LRP1B: variants seen among roughly 807,000 people sequenced by gnomAD.
LRP1B encodes the protein LDL receptor related protein 1B, also known as low-density lipoprotein receptor-related protein 1B.
In LRP1B, 217 loss-of-function variants were observed where a neutral mutation model predicts 556.6. That is an observed-to-expected ratio of 0.39 (90% CI 0.35 to 0.44). LRP1B has a LOEUF of 0.44. Ranked by LOEUF, LRP1B falls within the 20% of genes least tolerant of loss-of-function variation. The pLI, the probability that LRP1B is intolerant of heterozygous loss-of-function variation, is 1.00. For synonymous variants in LRP1B, 2,047 were observed against 1,865.8 expected (o/e 1.10, Z -2.50); for missense variants, 5,053 against 5,620.8 (o/e 0.90, Z 3.23).
At chr2:141,997,411 A>G (rs377593366) in intron 1 of LRP1B, among the ~76,000 whole-genome samples, 1 of 31,554 alleles carries the variant, frequency 3.2e-5, no homozygotes, top group African/African-American at 1.3e-4. Flanking sequence ...ATATAAATGT[A>G]TATATGTGTG....
intron 2 of LRP1B, among the ~76,000 whole-genome samples, chr2:141,627,857 T>C (rs768583513): frequency 3.3e-5 from 5 of 152,166 alleles, no homozygotes; most frequent in Non-Finnish European, 5.9e-5. Flanking sequence ...ATGTTGATAG[T>C]AGGGGAGGCT....
intron 2 of LRP1B, among the ~76,000 whole-genome samples, chr2:141,647,060 A>T (rs2105373218): frequency 6.6e-6 from 1 of 152,268 alleles, no homozygotes; most frequent in South Asian, 2.1e-4. Flanking sequence ...CGGTCAGGTA[A>T]TAATGAATTC....
chr2:142,031,879 T>G (rs1703724698), intron 1 of LRP1B, among the ~76,000 whole-genome samples: 2 of 151,868 alleles, frequency 1.3e-5, no homozygotes, highest in African/African-American at 4.8e-5. Context: ...ATATGTCTGG[T>G]GTCTTCATAA....
chr2:140,325,914 G>A (rs957419876), intron 79 of LRP1B, 36 bp from the exon 80 acceptor site: 1 of 1,269,834 alleles, frequency 7.9e-7, no homozygotes, highest in Non-Finnish European at 1.1e-6. Context: ...AATAGTGCAA[G>A]TAAATTTGAA....
chr2:141,442,187 C>T (rs180811880), intron 3 of LRP1B, among the ~76,000 whole-genome samples: 124 of 152,218 alleles, frequency 8.1e-4, no homozygotes, highest in African/African-American at 2.8e-3. Context: ...TTGCAACCAT[C>T]TCTGTAACAA....
chr2:140,402,221 G>T (rs1234061606), intron 66 of LRP1B, among the ~76,000 whole-genome samples: 1 of 152,176 alleles, frequency 6.6e-6, no homozygotes, highest in Non-Finnish European at 1.5e-5. Context: ...CAGATGGCAG[G>T]CCTTGGGTTC....
intron 25 of LRP1B, among the ~76,000 whole-genome samples, chr2:140,869,876 A>G (rs1344274155): frequency 2.6e-5 from 4 of 152,196 alleles, no homozygotes; most frequent in South Asian, 2.1e-4. Context: ...GTTGGGGCTC[A>G]GAGAATAATA....
chr2:140,983,240 C>T (rs1696825181), intron 17 of LRP1B, among the ~76,000 whole-genome samples: 2 of 151,938 alleles, frequency 1.3e-5, no homozygotes, highest in South Asian at 4.2e-4. Context: ...TCCCCTCTAC[C>T]CTTTCCTTTC....
chr2:140,743,231 A>T (rs918940504), intron 35 of LRP1B, among the ~76,000 whole-genome samples: 1 of 152,208 alleles, frequency 6.6e-6, no homozygotes, highest in South Asian at 2.1e-4. Flanking sequence ...AGCTCTCTAA[A>T]CTACTTAGAA....
chr2:141,467,440 A>G (rs1682275023), intron 3 of LRP1B, among the ~76,000 whole-genome samples: 1 of 152,154 alleles, frequency 6.6e-6, no homozygotes, highest in Non-Finnish European at 1.5e-5. Context: ...GTATTTGCAC[A>G]TAGTACAAAT....
intron 22 of LRP1B, 90 bp from the exon 23 acceptor site, chr2:140,903,255 A>G: frequency 7.1e-7 from 1 of 1,410,518 alleles, no homozygotes; most frequent in East Asian, 2.3e-5. Flanking sequence ...TAAGCCTACA[A>G]TTAGCCAGGA....
At chr2:140,484,502 G>A (rs564320333) in intron 59 of LRP1B, among the ~76,000 whole-genome samples, 7 of 152,198 alleles carry the variant, frequency 4.6e-5, no homozygotes, top group Non-Finnish European at 8.8e-5. Context: ...CTGTGAATGT[G>A]TCCTATTTCA....
At chr2:141,423,764 T>C (rs531957195) in intron 3 of LRP1B, among the ~76,000 whole-genome samples, 1 of 152,146 alleles carries the variant, frequency 6.6e-6, no homozygotes, top group Non-Finnish European at 1.5e-5. Flanking sequence ...ACATTAATTA[T>C]GTATCTATAA....
chr2:140,507,030 GA>G (rs1689448011), intron 52 of LRP1B, 112 bp from the exon 53 acceptor site: 1 of 1,119,460 alleles, frequency 8.9e-7, no homozygotes. Context: ...TAGTTACTGA[GA>G]AAAAGAAAAC....
At chr2:141,372,643 C>A (rs1689271559) in intron 3 of LRP1B, among the ~76,000 whole-genome samples, 1 of 152,000 alleles carries the variant, frequency 6.6e-6, no homozygotes, top group African/African-American at 2.4e-5. Flanking sequence ...TTTATTTCCT[C>A]TATCTTTTCT....
At chr2:141,779,418 AC>A (rs907602436) in intron 2 of LRP1B, among the ~76,000 whole-genome samples, 3 of 137,702 alleles carry the variant, frequency 2.2e-5, no homozygotes, top group Admixed American at 7.6e-5. Flanking sequence ...CAAAATAAAA[AC>A]TTTTTTTTTT....
intron 1 of LRP1B, among the ~76,000 whole-genome samples, chr2:141,926,098 A>C (rs1574498379): frequency 6.6e-6 from 1 of 152,200 alleles, no homozygotes; most frequent in Admixed American, 6.6e-5. Context: ...AATAATCAAC[A>C]TGTAAATAAT....
chr2:140,736,183 G>C (rs1485569352), intron 35 of LRP1B, among the ~76,000 whole-genome samples: 5 of 152,074 alleles, frequency 3.3e-5, no homozygotes, highest in Admixed American at 2.0e-4. Flanking sequence ...TATATTATGT[G>C]AGAAAGGAAA....
chr2:140,347,265 C>G (rs1191204245), intron 77 of LRP1B, among the ~76,000 whole-genome samples: 1 of 151,616 alleles, frequency 6.6e-6, no homozygotes, highest in Non-Finnish European at 1.5e-5. Context: ...AATCATGTCA[C>G]TCTTTTAAGT....
Sources: allele counts gnomAD v4.1 joint callset (sites outside exome capture counted in the v4.1 genomes callset), GRCh38; gene constraint gnomAD v4.1.1; transcripts MANE v1.5; gene names NCBI Gene and HGNC (gene_info 2026-07-23, HGNC 2026-07-21).